CNOT2: variants seen among roughly 807,000 people sequenced by gnomAD.
The protein encoded by CNOT2 is CC chemokine receptor 4-negative regulator of transcription 2.
Under a neutral mutation model 72.1 loss-of-function variants are expected in CNOT2, and 7 were observed. That is an observed-to-expected ratio of 0.10 (90% CI 0.06 to 0.18). CNOT2 has a LOEUF of 0.18. CNOT2 is among the 10% of genes least tolerant of loss of function. The pLI, the probability that CNOT2 is intolerant of heterozygous loss-of-function variation, is 1.00. For missense variants in CNOT2, 345 were observed against 660.3 expected (o/e 0.52, Z 5.23); for synonymous variants, 196 against 225.6 (o/e 0.87, Z 1.17).
At chr12:70,315,879 C>A (rs1291284834) in intron 3 of CNOT2, among the ~76,000 whole-genome samples, 1 of 152,072 alleles carries the variant, frequency 6.6e-6, no homozygotes. Context: ...CTTTCTTTAG[C>A]CCCTTGGGCA....
At chr12:70,263,352 T>C (rs1433311195) in intron 1 of CNOT2, among the ~76,000 whole-genome samples, 1 of 152,142 alleles carries the variant, frequency 6.6e-6, no homozygotes, top group East Asian at 1.9e-4. Flanking sequence ...CTTAATAGTA[T>C]CCTATGCTTT....
chr12:70,310,828 T>G lies in CNOT2; in HGVS notation c.49-67T>G, dbSNP rs548531642. 9.4e-6 allele frequency: 13 copies of G among 1,389,272 alleles called. No individual in the cohort carries two copies. The East Asian group carries it at 2.6e-4, about 27-fold the overall frequency. 86.1% of individuals were successfully genotyped at this position (1,389,272 alleles called of 1,614,324 possible). On this transcript the variant is annotated intron_variant, in intron 2 of 15. Transcript: ENST00000229195. ...CTCCCTTCATGTTCTGTTTTCCACA[T>G]AGGAGTAAGGTAACACTGAACATTT... is the stretch of plus-strand genomic sequence containing the variant.
chr12:70,340,916 A>G (rs1218600276), intron 11 of CNOT2, among the ~76,000 whole-genome samples: 1 of 131,826 alleles, frequency 7.6e-6, no homozygotes, highest in African/African-American at 2.9e-5. Flanking sequence ...TTTTTTTGAG[A>G]CAGAGTATTG....
intron 1 of CNOT2, among the ~76,000 whole-genome samples, chr12:70,262,729 A>G (rs1322899624): frequency 6.6e-6 from 1 of 151,800 alleles, no homozygotes; most frequent in South Asian, 2.1e-4. Context: ...GCTGGAGTGC[A>G]GTGGTGTGAT....
intron 1 of CNOT2, among the ~76,000 whole-genome samples, chr12:70,277,137 T>A (rs905808199): frequency 6.6e-6 from 1 of 152,112 alleles, no homozygotes; most frequent in African/African-American, 2.4e-5. Flanking sequence ...TGAATTTGAA[T>A]ACCAATGTTT....
chr12:70,303,754 A>C (rs118110878), intron 2 of CNOT2, among the ~76,000 whole-genome samples: 3,441 of 152,186 alleles, frequency 0.023, 81 homozygotes, highest in Admixed American at 0.047. Flanking sequence ...CTGAATGTGA[A>C]TGTTGGCCTG....
rs574381657 is a variant in CNOT2, at chr12:70,302,570, G to C, written c.49-8325G>C. On this transcript the variant is annotated intron_variant, in intron 2 of 15. Transcript: ENST00000229195. ...CCGAGTTCTAGTTTGATTGCACTGT[G>C]GTCTGAGAGACAGTTTGTTATAATT... Among the ~76,000 whole-genome samples the C allele has an allele frequency of 4.5e-4, 69 of 152,208 alleles. No homozygotes were observed. In the East Asian group the frequency reaches 0.012, roughly 27 times the overall value.
intron 1 of CNOT2, among the ~76,000 whole-genome samples, chr12:70,265,214 C>T (rs990362040): frequency 2.6e-5 from 4 of 151,942 alleles, no homozygotes; most frequent in Non-Finnish European, 4.4e-5. Flanking sequence ...ATTACTTCTT[C>T]TTTAAGTGTT....
rs1239915366 is a variant in CNOT2, at chr12:70,310,935, T to C, written c.89T>C (p.Val30Ala). 1.9e-6 allele frequency: 3 copies of C among 1,611,602 alleles called. No homozygotes were observed. The highest frequency in any genetic ancestry group is 2.5e-6 in the Non-Finnish European group (3 of 1,178,114). The change falls in exon 3 of 16, where the codon GTA (valine) becomes GCA (alanine). Residue 30 changes from valine (V) to alanine (A), a missense_variant. Physicochemically the swap from Val to Ala is moderately conservative, Grantham distance 64. This residue lies in a region of CNOT2 where 157 missense variants were observed against 235.3 expected (regional missense o/e 0.67). Coordinates refer to ENST00000229195, the MANE Select transcript of CNOT2 (RefSeq NM_014515.7). Reference sequence around the variant, plus strand: ...TTTGGTGCTTCAAGAAAGAAGTTTGTAGAGGGGGTCGACAGTGACTACCAT... The same window carrying C: ...TTTGGTGCTTCAAGAAAGAAGTTTGCAGAGGGGGTCGACAGTGACTACCAT... Reference protein sequence around the residue: ...SMFGASRKKFVEGVDSDYHDE... With the variant: ...SMFGASRKKFAEGVDSDYHDE...
intron 1 of CNOT2, among the ~76,000 whole-genome samples, chr12:70,271,375 C>CTTTTT (rs11285130): frequency 2.2e-5 from 2 of 89,478 alleles, no homozygotes; most frequent in Admixed American, 1.3e-4. Flanking sequence ...ATCACATTTC[C>CTTTTT]TTTTTTTTTT....
At chr12:70,262,432 C>T (rs1433848729) in intron 1 of CNOT2, among the ~76,000 whole-genome samples, 3 of 152,140 alleles carry the variant, frequency 2.0e-5, no homozygotes, top group African/African-American at 4.8e-5. Flanking sequence ...CGCCACTACA[C>T]CCGGTCAATT....
At chr12:70,302,898 TC>T (rs1874354207) in intron 2 of CNOT2, among the ~76,000 whole-genome samples, 1 of 152,220 alleles carries the variant, frequency 6.6e-6, no homozygotes, top group Non-Finnish European at 1.5e-5. Flanking sequence ...ATTTGGGTGC[TC>T]CTGTATTGGG....
chr12:70,281,243 C>T (rs375334879), intron 2 of CNOT2, among the ~76,000 whole-genome samples: 58 of 152,158 alleles, frequency 3.8e-4, no homozygotes, highest in African/African-American at 1.4e-3. Flanking sequence ...CGCCACCACA[C>T]CCAGCTAATT....
At chr12:70,260,545 C>T (rs1292869351) in intron 1 of CNOT2, among the ~76,000 whole-genome samples, 1 of 151,874 alleles carries the variant, frequency 6.6e-6, no homozygotes, top group East Asian at 1.9e-4. Flanking sequence ...TTAATAAAAT[C>T]TTAAGTATTA....
At chr12:70,273,143 C>A (rs1868305820) in intron 1 of CNOT2, among the ~76,000 whole-genome samples, 1 of 152,090 alleles carries the variant, frequency 6.6e-6, no homozygotes, top group Non-Finnish European at 1.5e-5. Context: ...TACCATTTTT[C>A]ACTTTTATGG....
intron 4 of CNOT2, chr12:70,327,635 AAC>A (rs1334718662): frequency 2.6e-5 from 4 of 151,794 alleles, no homozygotes; most frequent in African/African-American, 9.7e-5. Context: ...AACTGTGAGA[AAC>A]ACATTCCTGA....
At chr12:70,333,010 G>T (rs1246372411) in intron 7 of CNOT2, among the ~76,000 whole-genome samples, 164 bp downstream of exon 7, 1 of 151,886 alleles carries the variant, frequency 6.6e-6, no homozygotes, top group African/African-American at 2.4e-5. Context: ...ACAGTGAATA[G>T]TTGAGAGAGA....
At chr12:70,307,062 G>A (rs979370158) in intron 2 of CNOT2, among the ~76,000 whole-genome samples, 2 of 152,222 alleles carry the variant, frequency 1.3e-5, no homozygotes, top group East Asian at 1.9e-4. Context: ...TATCATAAAC[G>A]GAGCTTGCAG....
At chr12:70,352,969 G>A (rs1883054015) in intron 15 of CNOT2, among the ~76,000 whole-genome samples, 1 of 151,954 alleles carries the variant, frequency 6.6e-6, no homozygotes, top group Admixed American at 6.6e-5. Context: ...ATTTATATTT[G>A]AGTCAGGGTT....
Sources: gnomAD v4.1 joint callset for allele counts (sites outside exome capture counted in the v4.1 genomes callset) on GRCh38, gnomAD v4.1.1 for gene constraint, gnomAD v4.1.1 regional missense constraint, MANE v1.5 for transcripts, NCBI Gene and HGNC (gene_info 2026-07-23, HGNC 2026-07-21) for gene names.